Variants in ASAP2 observed in about 807,000 individuals in gnomAD.
The protein encoded by ASAP2 is arf-GAP with SH3 domain, ANK repeat and PH domain-containing protein 2.
In ASAP2, 45 loss-of-function variants were observed where a neutral mutation model predicts 131.4. The observed-to-expected ratio is 0.34, with a 90% confidence interval of 0.27 to 0.44. The LOEUF is 0.44. ASAP2 is among the 20% of genes least tolerant of loss of function. The pLI, the probability that ASAP2 is intolerant of heterozygous loss-of-function variation, is 1.00. For synonymous variants in ASAP2, 510 were observed against 503.0 expected, an observed-to-expected ratio of 1.01 and a Z score of -0.19; for missense variants, 1,011 against 1,297.0, an observed-to-expected ratio of 0.78 and a Z score of 3.39.
Position 9,263,705 on chromosome 2 carries a change from G to A in ASAP2, c.127-15612G>A, listed in dbSNP as rs148534151. ...GGCTGCAGCCTCTCGTTGTTCATGC[G>A]TCGTTTTTTCATAGTGTGTGTGGGT... On this transcript the variant is annotated intron_variant, in intron 1 of 27. Coordinates refer to ENST00000281419, the MANE Select transcript of ASAP2 (RefSeq NM_003887.3). Among the ~76,000 whole-genome samples, 7 of 152,250 alleles carry A rather than the reference G, an allele frequency of 4.6e-5. No homozygotes were observed. In the East Asian group the frequency reaches 5.8e-4, roughly 13 times the overall value.
chr2:9,321,622 A>T (rs937509154), intron 5 of ASAP2, among the ~76,000 whole-genome samples: 1 of 152,138 alleles, frequency 6.6e-6, no homozygotes, highest in Non-Finnish European at 1.5e-5. Flanking sequence ...CACTTCACTC[A>T]GCCTCCCTTG....
chr2:9,269,232 G>A (rs943596587), intron 1 of ASAP2, among the ~76,000 whole-genome samples: 2 of 151,750 alleles, frequency 1.3e-5, no homozygotes, highest in South Asian at 4.2e-4. Flanking sequence ...TCTCCTAAGG[G>A]GAAGAGAGGA....
intron 15 of ASAP2, among the ~76,000 whole-genome samples, chr2:9,364,639 C>T (rs894616100): frequency 1.3e-5 from 2 of 152,204 alleles, no homozygotes; most frequent in Admixed American, 6.5e-5. Flanking sequence ...AATGTTAAAG[C>T]GGGTCAACAC....
At chr2:9,327,095 G>A (rs531455161) in intron 6 of ASAP2, among the ~76,000 whole-genome samples, 57 of 151,950 alleles carry the variant, frequency 3.8e-4, no homozygotes, top group Non-Finnish European at 6.5e-4. Flanking sequence ...GCTGCAGAGA[G>A]ACCTCAGCCA....
intron 19 of ASAP2, among the ~76,000 whole-genome samples, chr2:9,380,217 A>G (rs1674730269): frequency 6.6e-6 from 1 of 151,578 alleles, no homozygotes; most frequent in African/African-American, 2.4e-5. Flanking sequence ...GTTTTTTTTG[A>G]GGCAGAGTCT....
At chr2:9,233,532 G>T (rs1192106127) in intron 1 of ASAP2, among the ~76,000 whole-genome samples, 1 of 152,210 alleles carries the variant, frequency 6.6e-6, no homozygotes, top group African/African-American at 2.4e-5. Flanking sequence ...TGCAGAGATG[G>T]ATAAGAAATG....
At chr2:9,367,347 A>G (rs866470272) in intron 15 of ASAP2, among the ~76,000 whole-genome samples, 7 of 152,114 alleles carry the variant, frequency 4.6e-5, no homozygotes, top group Non-Finnish European at 1.0e-4. Context: ...TGCATAATCA[A>G]TAGAGAGCAG....
Position 9,207,268 on chromosome 2 carries a change from C to T in ASAP2, c.126+38C>T. 1 of 1,504,304 alleles carries T rather than the reference C, an allele frequency of 6.6e-7. No homozygotes were observed. The allele number at this position is 1,504,304 out of a possible 1,614,324, so 93.2% of individuals were successfully genotyped here. A position where few individuals can be genotyped will look rare whatever the true frequency, so the allele number is the denominator to read the frequency against. Reference sequence around the variant, plus strand: ...GCGCGGCGGCTCCGGCCGCAGGTATCCCGCGCCCCAGCCCCGCCCGCCGCT... The same window carrying T: ...GCGCGGCGGCTCCGGCCGCAGGTATTCCGCGCCCCAGCCCCGCCCGCCGCT... On this transcript the variant is annotated intron_variant, in intron 1 of 27. Coordinates refer to ENST00000281419, the MANE Select transcript of ASAP2 (RefSeq NM_003887.3). The surrounding 1 kb of genome is among the most constrained non-coding windows in gnomAD (Gnocchi z 4.1).
chr2:9,401,146 G>T, intron 26 of ASAP2, 128 bp from the exon 27 acceptor site: 2 of 1,173,420 alleles, frequency 1.7e-6, no homozygotes, highest in Non-Finnish European at 2.4e-6. Context: ...GCCCCACCTT[G>T]GCATCTGCAG....
In ASAP2 at chr2:9,356,161, T is replaced by C; in HGVS notation, c.1161-18T>C. 1.2e-6 allele frequency: 2 copies of C among 1,614,130 alleles called. No individual in the cohort carries two copies. Among genetic ancestry groups the C allele is most frequent in the Non-Finnish European group, 1.7e-6 (2 of 1,179,968 alleles). ...GTTGTTTGTGGAATTTAACACAGCG[T>C]TGCTCTTGTTTTTCTAGATGGATGT... On this transcript the variant is annotated intron_variant, in intron 13 of 27. Coordinates refer to ENST00000281419, the MANE Select transcript of ASAP2 (RefSeq NM_003887.3).
At chr2:9,384,782 C>T (rs559063859) in intron 20 of ASAP2, among the ~76,000 whole-genome samples, 7 of 152,326 alleles carry the variant, frequency 4.6e-5, no homozygotes, top group Admixed American at 4.6e-4. Flanking sequence ...GAGAACCAGT[C>T]CTCTTTGATT....
At chr2:9,373,832 A>T (rs1008068530) in intron 16 of ASAP2, among the ~76,000 whole-genome samples, 3 of 152,162 alleles carry the variant, frequency 2.0e-5, no homozygotes, top group African/African-American at 7.2e-5. Flanking sequence ...AGTGACCCTC[A>T]ACCTTCAGAA....
At chr2:9,280,042 G>C (rs985935521) in intron 2 of ASAP2, among the ~76,000 whole-genome samples, 8 of 152,174 alleles carry the variant, frequency 5.3e-5, no homozygotes, top group Non-Finnish European at 1.2e-4. Context: ...ACAAAAAGGT[G>C]GCATCCTTGC....
At chr2:9,335,505 G>C (rs1572483288) in intron 9 of ASAP2, among the ~76,000 whole-genome samples, 1 of 152,236 alleles carries the variant, frequency 6.6e-6, no homozygotes, top group Non-Finnish European at 1.5e-5. Flanking sequence ...CCTGTACCTG[G>C]CCCTGTGTCA....
intron 2 of ASAP2, among the ~76,000 whole-genome samples, chr2:9,294,386 G>GTAT (rs1424991419): frequency 1.3e-5 from 2 of 152,146 alleles, no homozygotes; most frequent in Non-Finnish European, 1.5e-5. Context: ...GAGTGCTTTT[G>GTAT]TATTTCTTGG....
At chr2:9,302,905 C>G (rs62121311) in intron 3 of ASAP2, among the ~76,000 whole-genome samples, 1 of 152,036 alleles carries the variant, frequency 6.6e-6, no homozygotes, top group African/African-American at 2.4e-5. Context: ...TGTGCTGCAC[C>G]TGGCAGAGGG....
At chr2:9,211,812 C>T (rs938909453) in intron 1 of ASAP2, among the ~76,000 whole-genome samples, 23 of 152,274 alleles carry the variant, frequency 1.5e-4, no homozygotes, top group African/African-American at 5.3e-4. Flanking sequence ...TGAATGTTAG[C>T]CCTTTGTGAC....
chr2:9,246,760 C>T (rs1258608630), intron 1 of ASAP2, among the ~76,000 whole-genome samples: 2 of 152,144 alleles, frequency 1.3e-5, no homozygotes, highest in Non-Finnish European at 2.9e-5. Context: ...TCCATTGTGG[C>T]TCGATGTGGG....
chr2:9,345,348 CAG>C (rs1671893274), intron 11 of ASAP2, among the ~76,000 whole-genome samples: 1 of 152,116 alleles, frequency 6.6e-6, no homozygotes, highest in African/African-American at 2.4e-5. Context: ...TCCTGTTTAT[CAG>C]AGTCTATGCA....
Sources: allele counts gnomAD v4.1 joint callset (sites outside exome capture counted in the v4.1 genomes callset), GRCh38; gene constraint gnomAD v4.1.1; non-coding constraint Gnocchi (gnomAD v3.1); transcripts MANE v1.5; gene names NCBI Gene and HGNC (gene_info 2026-07-23, HGNC 2026-07-21).